DSCAML1: variants seen among roughly 807,000 people sequenced by gnomAD.
DSCAML1 encodes cell adhesion molecule DSCAML1.
Under a neutral mutation model 200.5 loss-of-function variants are expected in DSCAML1, and 38 were observed. The observed-to-expected ratio is 0.19, with a 90% CI of 0.15 to 0.25. DSCAML1 has a LOEUF of 0.25. DSCAML1 is among the 10% of genes least tolerant of loss of function. The pLI, the probability that DSCAML1 is intolerant of heterozygous loss-of-function variation, is 1.00. For synonymous variants in DSCAML1, 1,215 were observed against 1,165.0 expected, an observed-to-expected ratio of 1.04 and a Z score of -0.87; for missense variants, 2,223 against 2,858.8, an observed-to-expected ratio of 0.78 and a Z score of 5.07.
rs191347347 is a variant in DSCAML1, at chr11:117,519,676, C to T, written c.1214-914G>A. Among the ~76,000 whole-genome samples the T allele has an allele frequency of 2.4e-4, 37 of 152,158 alleles. 2 individuals carry two copies. The highest frequency in any genetic ancestry group is 2.3e-3 in the Admixed American group (35 of 15,286). On this transcript the variant is annotated intron_variant, in intron 6 of 32. Transcript: ENST00000651296. ...CTTTAGAAAAAATGTAAAAAAATAGCCAGGTGTGGTGGCACATGCCTGTAG... is the reference window on the plus strand; with the variant it reads ...CTTTAGAAAAAATGTAAAAAAATAGTCAGGTGTGGTGGCACATGCCTGTAG...
rs373132403 is a variant in DSCAML1, at chr11:117,797,090, G to C, written c.-11C>G. 10 of 1,585,564 alleles carry C rather than the reference G, an allele frequency of 6.3e-6. No individual in the cohort carries two copies. The African/African-American group carries it at 1.1e-4, about 18-fold the overall frequency. On this transcript the variant is annotated 5_prime_UTR_variant, in exon 1 of 33. Coordinates refer to ENST00000651296, the MANE Select transcript of DSCAML1 (RefSeq NM_020693.4). ...AGTTACCAGCCACATGCCATAAAGAGGCCCTATTCTCCGGGGAGGTGGTCC... is the reference window on the plus strand; with the variant it reads ...AGTTACCAGCCACATGCCATAAAGACGCCCTATTCTCCGGGGAGGTGGTCC...
chr11:117,572,330 G>A (rs776212146), intron 3 of DSCAML1, among the ~76,000 whole-genome samples: 1 of 152,204 alleles, frequency 6.6e-6, no homozygotes, highest in Non-Finnish European at 1.5e-5. Context: ...GCCTCTCCGA[G>A]TTTCCAGCCT....
At position 117,563,720 on chromosome 11, in the gene DSCAML1, A is replaced by C. The variant is rs79674157; in HGVS notation, c.512-31198T>G. On this transcript the variant is annotated intron_variant, in intron 3 of 32. Transcript: ENST00000651296. ...ACTATTATAATGGACCTCAAAGCGG[A>C]ATTGATTGAGAAAATAGACCAGTGT... Among the ~76,000 whole-genome samples, 1,262 of 152,234 alleles carry C rather than the reference A, an allele frequency of 8.3e-3. 15 individuals are homozygous for C. Among genetic ancestry groups the C allele is most frequent in the African/African-American group, 0.028 (1,169 of 41,524 alleles).
At chr11:117,613,401 G>C (rs2051737770) in intron 3 of DSCAML1, among the ~76,000 whole-genome samples, 1 of 152,120 alleles carries the variant, frequency 6.6e-6, no homozygotes. Context: ...AGCTTAAAGG[G>C]GAAAGGTGAA....
intron 3 of DSCAML1, among the ~76,000 whole-genome samples, chr11:117,718,026 G>C (rs181460067): frequency 1.5e-4 from 23 of 152,300 alleles, no homozygotes; most frequent in Non-Finnish European, 2.9e-4. Context: ...CAGCTCAACA[G>C]CTCCCAAGTC....
rs1022934327 is a variant in DSCAML1 at position 117,505,905 on chromosome 11, C to T, written c.1784-173G>A. On this transcript the variant is annotated intron_variant, in intron 8 of 32. Transcript: ENST00000651296. This position sits in a 1 kb window ranked among gnomAD's most constrained non-coding sequence, Gnocchi z 6.7. Reference sequence around the variant, plus strand: ...AGGGTCTCCTAATGATGCCTGGCTCCTGTCCCTCTGCCCGCCCAGGCTGGG... The same window carrying T: ...AGGGTCTCCTAATGATGCCTGGCTCTTGTCCCTCTGCCCGCCCAGGCTGGG... Among the ~76,000 whole-genome samples the T allele has an allele frequency of 6.6e-6, 1 of 152,244 alleles. No homozygotes were observed. The highest frequency in any genetic ancestry group is 2.4e-5 in the African/African-American group (1 of 41,472).
intron 4 of DSCAML1, among the ~76,000 whole-genome samples, chr11:117,526,580 G>A (rs1281509486): frequency 2.6e-5 from 4 of 152,062 alleles, no homozygotes; most frequent in Non-Finnish European, 5.9e-5. Flanking sequence ...GTGCAGTGGT[G>A]TGATCTTGGC....
intron 14 of DSCAML1, among the ~76,000 whole-genome samples, chr11:117,475,448 TCTC>T (rs1417635920): frequency 2.6e-5 from 4 of 152,150 alleles, no homozygotes; most frequent in Non-Finnish European, 5.9e-5. Context: ...TCTCTATTCT[TCTC>T]CTCCTCTGAA....
In DSCAML1 at chr11:117,480,841, C is replaced by T. The variant is rs1230264638; in HGVS notation, c.2657-270G>A. On this transcript the variant is annotated intron_variant, in intron 13 of 32. Transcript: ENST00000651296. The surrounding 1 kb of genome is among the most constrained non-coding windows in gnomAD (Gnocchi z 4.1). ...TCCTGTTAGCTGACGGCATTTTTCC[C>T]CTTCCAACTTCCCCAGCTTGACTTT... Among the ~76,000 whole-genome samples the T allele has an allele frequency of 2.0e-5, 3 of 152,124 alleles. No homozygotes were observed. Among genetic ancestry groups the T allele is most frequent in the Non-Finnish European group, 4.4e-5 (3 of 68,008 alleles).
chr11:117,779,946 A>G (rs2055201663), intron 2 of DSCAML1, among the ~76,000 whole-genome samples: 1 of 151,998 alleles, frequency 6.6e-6, no homozygotes, highest in Non-Finnish European at 1.5e-5. Flanking sequence ...CGGGTTTTCT[A>G]TAAGTCAAGG....
At chr11:117,445,258 A>AAC (rs1470430725) in intron 20 of DSCAML1, among the ~76,000 whole-genome samples, 11 of 152,234 alleles carry the variant, frequency 7.2e-5, no homozygotes, top group East Asian at 1.9e-4. Context: ...GCATCTCTGC[A>AAC]ACACACACAC....
chr11:117,648,155 G>T (rs183646410), intron 3 of DSCAML1, among the ~76,000 whole-genome samples: 1 of 152,152 alleles, frequency 6.6e-6, no homozygotes, highest in Non-Finnish European at 1.5e-5. Flanking sequence ...CCGTCTTTAC[G>T]CACTCATTCC....
chr11:117,805,045 G>A (rs1320678872), intron 1 of DSCAML1, among the ~76,000 whole-genome samples: 1 of 152,188 alleles, frequency 6.6e-6, no homozygotes, highest in Non-Finnish European at 1.5e-5. Flanking sequence ...TCTTACTGTT[G>A]TCCAATGTTT....
At position 117,780,845 on chromosome 11, in the gene DSCAML1, A is replaced by T. The variant is rs1161855967; in HGVS notation, c.47-35T>A. 7.2e-7 allele frequency: 1 copy of T among 1,394,412 alleles called. No individual in the cohort carries two copies. Among genetic ancestry groups the T allele is most frequent in the Non-Finnish European group, 9.3e-7 (1 of 1,075,866 alleles). 86.4% of individuals were successfully genotyped at this position (1,394,412 alleles called of 1,614,324 possible). On this transcript the variant is annotated intron_variant, in intron 1 of 32. Coordinates refer to ENST00000651296, the MANE Select transcript of DSCAML1 (RefSeq NM_020693.4). The surrounding 1 kb of genome is among the most constrained non-coding windows in gnomAD (Gnocchi z 4.8). The stretch of plus-strand genomic sequence containing the variant: ...AGGCAAGGGGAGAGACTTGGTTAGC[A>T]TGGGCTCTAACAATACCCATATAAG...
At position 117,521,164 on chromosome 11, in the gene DSCAML1, C is replaced by G. The variant is rs145095214; in HGVS notation, c.1179G>C (p.Gln393His). ...AYQCFATRKA[Q>H]TAQDFAIIAL... ...CAATGATGGCAAAGTCCTGGGCGGTCTGGGCCTTGCGGGTAGCGAAGCACT... is the reference window on the plus strand; with the variant it reads ...CAATGATGGCAAAGTCCTGGGCGGTGTGGGCCTTGCGGGTAGCGAAGCACT... Residue 393 changes from glutamine (Q) to histidine (H), a missense_variant, in exon 6 of 33, where the codon CAG (glutamine) becomes CAC (histidine). Gln to His is a conservative substitution (Grantham distance 24). Around this residue, in one of 7 missense-constraint regions of DSCAML1, gnomAD observed 579 missense variants for 721.5 expected, o/e 0.80. Coordinates refer to ENST00000651296, the MANE Select transcript of DSCAML1 (RefSeq NM_020693.4). The G allele has an allele frequency of 6.2e-5, 100 of 1,614,014 alleles. No homozygotes were observed. Among genetic ancestry groups the G allele is most frequent in the Non-Finnish European group, 8.4e-5 (99 of 1,180,040 alleles).
chr11:117,443,656 C>T (rs950607100), intron 21 of DSCAML1, among the ~76,000 whole-genome samples: 1 of 152,218 alleles, frequency 6.6e-6, no homozygotes, highest in Admixed American at 6.5e-5. Flanking sequence ...GCACCCTGTC[C>T]ACCCGCCCCA....
In DSCAML1 at chr11:117,439,974, C is replaced by A. The variant is rs2048009983; in HGVS notation, c.3863-38G>T. On this transcript the variant is annotated intron_variant, in intron 21 of 32. Transcript: ENST00000651296. ...GAGGATGAGGGCCACTCCACTTCTACCCCTGCACAATATCCTGGCCTCCTT... is the reference window on the plus strand; with the variant it reads ...GAGGATGAGGGCCACTCCACTTCTAACCCTGCACAATATCCTGGCCTCCTT... The A allele has an allele frequency of 1.9e-6, 3 of 1,551,366 alleles. No homozygotes were observed. The African/African-American group carries it at 4.1e-5, about 21-fold the overall frequency.
chr11:117,796,217 G>A lies in DSCAML1; in HGVS notation c.46+817C>T, dbSNP rs190885314. Among the ~76,000 whole-genome samples the A allele has an allele frequency of 2.0e-3, 300 of 152,332 alleles. 1 individual carries two copies. Among genetic ancestry groups the A allele is most frequent in the African/African-American group, 6.7e-3 (279 of 41,576 alleles). On this transcript the variant is annotated intron_variant, in intron 1 of 32. Coordinates refer to ENST00000651296, the MANE Select transcript of DSCAML1 (RefSeq NM_020693.4). Reference sequence around the variant, plus strand: ...CCCCAGCCGCAGGTCTGGACATGCCGGACACCTGGACCCACCCCTAGCAAC... The same window carrying A: ...CCCCAGCCGCAGGTCTGGACATGCCAGACACCTGGACCCACCCCTAGCAAC...
At chr11:117,656,010 G>A (rs953135376) in intron 3 of DSCAML1, among the ~76,000 whole-genome samples, 1 of 152,244 alleles carries the variant, frequency 6.6e-6, no homozygotes, top group African/African-American at 2.4e-5. Context: ...GGGAGGCCGA[G>A]GCGGGCAGAT....
Sources: allele counts gnomAD v4.1 joint callset (sites outside exome capture counted in the v4.1 genomes callset), GRCh38; gene constraint gnomAD v4.1.1; regional missense constraint gnomAD v4.1.1; non-coding constraint Gnocchi (gnomAD v3.1); transcripts MANE v1.5; gene names NCBI Gene and HGNC (gene_info 2026-07-23, HGNC 2026-07-21).